PBK: variants seen among roughly 807,000 people sequenced by gnomAD.
PBK encodes PDZ binding kinase.
In PBK, 22 loss-of-function variants were observed where a neutral mutation model predicts 33.5. The ratio of observed to expected loss-of-function variants is 0.66; its 90% CI spans 0.47 to 0.94. The LOEUF (loss-of-function observed/expected upper bound fraction) is 0.94. PBK is among the 40% of genes least tolerant of loss of function. The pLI is 0.00. For missense variants in PBK, 376 were observed against 383.4 expected (o/e 0.98, Z 0.16); for synonymous variants, 129 against 123.8 (o/e 1.04, Z -0.28).
chr8:27,830,669 T>C lies in PBK; in HGVS notation c.58+2387A>G, dbSNP rs566126632. Reference sequence around the variant, plus strand: ...CTCAATTTGTAATTTTATTTAATTCTAATTAATTTGTATCCAAATTTAAAT... The same window carrying C: ...CTCAATTTGTAATTTTATTTAATTCCAATTAATTTGTATCCAAATTTAAAT... On this transcript the variant is annotated intron_variant, in intron 2 of 7. Transcript: ENST00000301905. Among the ~76,000 whole-genome samples the C allele has an allele frequency of 2.6e-4, 39 of 152,360 alleles. No homozygotes were observed. The South Asian group carries it at 6.4e-3, about 25-fold the overall frequency.
chr8:27,829,217 A>G (rs1806082913), intron 2 of PBK, among the ~76,000 whole-genome samples: 1 of 152,182 alleles, frequency 6.6e-6, no homozygotes, highest in African/African-American at 2.4e-5. Context: ...GGAAAGCACC[A>G]GAGGAAAGCA....
chr8:27,826,897 TA>T (rs1806036528), intron 3 of PBK, among the ~76,000 whole-genome samples: 1 of 139,404 alleles, frequency 7.2e-6, no homozygotes, highest in African/African-American at 2.5e-5. Flanking sequence ...AAACTTTTTT[TA>T]AAAAGGGGGA....
chr8:27,837,613 GGCCCCCGCCAGGGCTCGCAAAAAAAAA>G lies in PBK; in HGVS notation c.-21+12_-21+38del, dbSNP rs1806251828. 6.6e-6 allele frequency: 1 copy of G among 152,200 alleles called. No individual in the cohort carries two copies. The highest frequency in any genetic ancestry group is 1.5e-5 in the Non-Finnish European group (1 of 68,078). The allele number at this position is 152,200 out of a possible 1,614,324, so 9.4% of individuals were successfully genotyped here. ...CCGCAGAGGCCTCGGCTCCGGGCTC[GGCCCCCGCCAGGGCTCGCAAAAAAAAA>G]GCTCCTCTTACCAGAGTCTCACCGC... On this transcript the variant is annotated intron_variant, in intron 1 of 7. Coordinates refer to ENST00000301905, the MANE Select transcript of PBK (RefSeq NM_018492.4).
rs1806063973 is a variant in PBK at position 27,828,199 on chromosome 8, C to T, written c.59-1G>A. 3 of 1,385,748 alleles carry T rather than the reference C, an allele frequency of 2.2e-6. No individual in the cohort carries two copies. The highest frequency in any genetic ancestry group is 3.6e-5 in the Admixed American group (2 of 54,818). 85.8% of individuals were successfully genotyped at this position (1,385,748 alleles called of 1,614,324 possible). On this transcript the variant is annotated splice_acceptor_variant, in intron 2 of 7. Coordinates refer to ENST00000301905, the MANE Select transcript of PBK (RefSeq NM_018492.4). LOFTEE classifies it high-confidence loss of function. ...TTTATAGTTGGAGTTGAACATAATA[C>T]TAAATGTCAGAGAAATAAAAAATAA...
In PBK at chr8:27,810,955, T is replaced by C. The variant is rs749905510; in HGVS notation, c.772+3A>G. Reference sequence around the variant, plus strand: ...GGATTTATGTTAGAAATTGTATTCATACCTTCATCATCATCATCATTTGAA... The same window carrying C: ...GGATTTATGTTAGAAATTGTATTCACACCTTCATCATCATCATCATTTGAA... On this transcript the variant is annotated splice_donor_region_variant and intron_variant, in intron 7 of 7. Transcript: ENST00000301905. 24 of 1,534,818 alleles carry C rather than the reference T, an allele frequency of 1.6e-5. No individual in the cohort carries two copies. Among genetic ancestry groups the C allele is most frequent in the Non-Finnish European group, 2.1e-5 (23 of 1,109,030 alleles).
At chr8:27,835,699 G>A (rs1806215458) in intron 1 of PBK, among the ~76,000 whole-genome samples, 1 of 152,136 alleles carries the variant, frequency 6.6e-6, no homozygotes, top group African/African-American at 2.4e-5. Context: ...TTATAGGCAT[G>A]TGCCACCATG....
rs1176788728 is a variant in PBK, at chr8:27,835,510, C to T, written c.-21+2142G>A. Reference sequence around the variant, plus strand: ...CCCTTCTTCCATCTGTGTTATCTTTCCCCATGGGATGCTGTGATGTGGCAC... The same window carrying T: ...CCCTTCTTCCATCTGTGTTATCTTTTCCCATGGGATGCTGTGATGTGGCAC... On this transcript the variant is annotated intron_variant, in intron 1 of 7. Transcript: ENST00000301905. Among the ~76,000 whole-genome samples, 41 of 152,090 alleles carry T rather than the reference C, an allele frequency of 2.7e-4. 1 individual carries two copies.
intron 1 of PBK, among the ~76,000 whole-genome samples, chr8:27,834,027 CCTT>C (rs1429965377): frequency 2.8e-5 from 4 of 141,068 alleles, no homozygotes; most frequent in Non-Finnish European, 6.1e-5. Flanking sequence ...ATATGATGAT[CCTT>C]TTTTTTTTTT....
At chr8:27,837,270 G>A (rs1189589011) in intron 1 of PBK, among the ~76,000 whole-genome samples, 1 of 152,208 alleles carries the variant, frequency 6.6e-6, no homozygotes, top group Non-Finnish European at 1.5e-5. Context: ...TGGGCCCTAA[G>A]CCTGGGACCC....
At chr8:27,816,381 TA>T (rs1563489376) in intron 6 of PBK, among the ~76,000 whole-genome samples, 37 of 42,286 alleles carry the variant, frequency 8.7e-4, no homozygotes, top group Admixed American at 4.6e-3. Flanking sequence ...TTATTTATTT[TA>T]ATTTATTTTT....
At chr8:27,831,355 A>G (rs957216990) in intron 2 of PBK, among the ~76,000 whole-genome samples, 27 of 152,172 alleles carry the variant, frequency 1.8e-4, no homozygotes, top group African/African-American at 6.0e-4. Flanking sequence ...TCAAAAAAAC[A>G]AGAAAAAGAA....
At chr8:27,828,853 C>T (rs1026063719) in intron 2 of PBK, among the ~76,000 whole-genome samples, 3 of 152,006 alleles carry the variant, frequency 2.0e-5, no homozygotes, top group Non-Finnish European at 1.5e-5. Context: ...GTTACCATCT[C>T]GCCATTAACT....
chr8:27,818,046 C>T (rs1431747662), intron 6 of PBK, among the ~76,000 whole-genome samples: 3 of 152,168 alleles, frequency 2.0e-5, no homozygotes, highest in African/African-American at 7.2e-5. Flanking sequence ...CAGTACCACT[C>T]CAATGCTTTT....
intron 6 of PBK, among the ~76,000 whole-genome samples, chr8:27,819,842 T>A (rs1274022606): frequency 2.6e-5 from 4 of 152,178 alleles, no homozygotes; most frequent in African/African-American, 9.6e-5. Context: ...GTTCTATTTT[T>A]ATTAATGATT....
intron 5 of PBK, 128 bp from the exon 6 acceptor site, chr8:27,820,822 A>G: frequency 2.5e-6 from 1 of 399,964 alleles, no homozygotes. Flanking sequence ...CAGCGTTTCA[A>G]AATTTTTTTT....
chr8:27,815,895 A>G (rs570223005), intron 6 of PBK, among the ~76,000 whole-genome samples: 1 of 152,360 alleles, frequency 6.6e-6, no homozygotes, highest in South Asian at 2.1e-4. Flanking sequence ...TTGTTCTGAC[A>G]ACAAAAGTTT....
chr8:27,815,419 T>G (rs533456265), intron 6 of PBK, among the ~76,000 whole-genome samples: 25 of 152,324 alleles, frequency 1.6e-4, no homozygotes, highest in African/African-American at 5.8e-4. Context: ...TTAGTTCTGC[T>G]TTGGGCATTA....
At chr8:27,836,734 C>T (rs1442595264) in intron 1 of PBK, among the ~76,000 whole-genome samples, 3 of 152,116 alleles carry the variant, frequency 2.0e-5, no homozygotes, top group African/African-American at 7.2e-5. Context: ...TCAGAAGCAG[C>T]ACGTTTTAAA....
chr8:27,818,060 C>T (rs746709399), intron 6 of PBK, among the ~76,000 whole-genome samples: 1 of 152,210 alleles, frequency 6.6e-6, no homozygotes, highest in Non-Finnish European at 1.5e-5. Context: ...TGCTTTTTCA[C>T]CCTCCCCATA....
Sources: gnomAD v4.1 joint callset for allele counts (sites outside exome capture counted in the v4.1 genomes callset) on GRCh38, gnomAD v4.1.1 for gene constraint, MANE v1.5 for transcripts, NCBI Gene and HGNC (gene_info 2026-07-23, HGNC 2026-07-21) for gene names.